ADGRL1: variants seen among roughly 807,000 people sequenced by gnomAD.
ADGRL1 encodes the protein adhesion G protein-coupled receptor L1.
A neutral mutation model predicts 148.9 loss-of-function variants in ADGRL1; 31 were observed. The observed-to-expected ratio is 0.21, with a 90% confidence interval of 0.16 to 0.28. The LOEUF is 0.28. Ranked by LOEUF, ADGRL1 falls within the 10% of genes least tolerant of loss-of-function variation. ADGRL1 has a pLI of 1.00. For synonymous variants in ADGRL1, 937 were observed against 900.3 expected (o/e 1.04, Z -0.73); for missense variants, 1,521 against 2,058.8 (o/e 0.74, Z 5.05).
intron 1 of ADGRL1, among the ~76,000 whole-genome samples, chr19:14,192,323 C>T (rs1307840457): frequency 6.6e-6 from 1 of 152,104 alleles, no homozygotes; most frequent in Non-Finnish European, 1.5e-5. Flanking sequence ...TCACTGCAAC[C>T]TCCACCTCCC....
intron 1 of ADGRL1, among the ~76,000 whole-genome samples, chr19:14,192,226 CTTTAT>C (rs1263982151): frequency 9.0e-6 from 1 of 110,974 alleles, no homozygotes; most frequent in East Asian, 2.5e-4. Context: ...CCTAGAGTTC[CTTTAT>C]TTTATTTTAT....
rs761260215 is a variant in ADGRL1, at chr19:14,151,190, C to T, written c.4093G>A (p.Ala1365Thr). 1.6e-5 allele frequency: 26 copies of T among 1,610,114 alleles called. No homozygotes were observed. The highest frequency in any genetic ancestry group is 2.2e-5 in the East Asian group (1 of 44,856). Residue 1365 changes from alanine to threonine, a missense_variant, in exon 23 of 23, where the codon GCC (alanine) becomes ACC (threonine). This residue lies in a region of ADGRL1 where 390 missense variants were observed against 375.0 expected (regional missense o/e 1.04). Coordinates refer to ENST00000361434, the MANE Select transcript of ADGRL1 (RefSeq NM_014921.5). Reference protein sequence around the residue: ...ESESCTAEDGATSRPLSSPPG... With the variant: ...ESESCTAEDGTTSRPLSSPPG... ...GGGGAGGAGAGGGGCCGGCTGGTGGCGCCGTCCTCGGCCGTGCAGCTCTCC... is the reference window on the plus strand; with the variant it reads ...GGGGAGGAGAGGGGCCGGCTGGTGGTGCCGTCCTCGGCCGTGCAGCTCTCC...
Position 14,157,484 on chromosome 19 carries a change from G to A in ADGRL1, c.2536-24C>T, listed in dbSNP as rs370985504. 9.4e-5 allele frequency: 151 copies of A among 1,610,436 alleles called. No individual in the cohort carries two copies. The highest frequency in any genetic ancestry group is 3.3e-5 in the Admixed American group (2 of 59,990). On this transcript the variant is annotated intron_variant, in intron 13 of 22. Coordinates refer to ENST00000361434, the MANE Select transcript of ADGRL1 (RefSeq NM_014921.5). This position sits in a 1 kb window ranked among gnomAD's most constrained non-coding sequence, Gnocchi z 7.5. ...TACTGGGGACAGGAACAGGGGGCACGCTCAGGGCCTTTGGTTTTGCACGCT... is the reference window on the plus strand; with the variant it reads ...TACTGGGGACAGGAACAGGGGGCACACTCAGGGCCTTTGGTTTTGCACGCT...
Position 14,158,002 on chromosome 19 carries a change from A to G in ADGRL1, c.2415T>C (p.Arg805=). Residue 805 remains arginine (R), a synonymous_variant, in exon 13 of 23, where the codon CGT becomes CGC. Coordinates refer to ENST00000361434, the MANE Select transcript of ADGRL1 (RefSeq NM_014921.5). ...GGGTCGACCAGTAGCCCAGCATGGA[A>G]CGCTCCGAGTAGTTCCAGAAGGAGC... The part of the protein sequence containing the change: ...ANCSFWNYSE[R]SMLGYWSTQG... 1 of 1,614,190 alleles carries G rather than the reference A, an allele frequency of 6.2e-7. No individual in the cohort carries two copies. Among genetic ancestry groups the G allele is most frequent in the Non-Finnish European group, 8.5e-7 (1 of 1,180,016 alleles).
chr19:14,152,960 T>C lies in ADGRL1; in HGVS notation c.3295-48A>G, dbSNP rs775671334. On this transcript the variant is annotated intron_variant, in intron 18 of 22. Coordinates refer to ENST00000361434, the MANE Select transcript of ADGRL1 (RefSeq NM_014921.5). The surrounding 1 kb of genome is among the most constrained non-coding windows in gnomAD (Gnocchi z 6.1). ...CTGGCTGGGACACTGGCCTCCTCTG[T>C]GATCCAGTCTCCCACAGGGCTGGTC... 1 of 1,602,818 alleles carries C rather than the reference T, an allele frequency of 6.2e-7. No homozygotes were observed. The highest frequency in any genetic ancestry group is 8.5e-7 in the Non-Finnish European group (1 of 1,174,974).
intron 1 of ADGRL1, among the ~76,000 whole-genome samples, chr19:14,196,804 C>A (rs970787189): frequency 6.6e-6 from 1 of 152,136 alleles, no homozygotes; most frequent in Non-Finnish European, 1.5e-5. Flanking sequence ...CACTCCTACA[C>A]CATGTCCTGA....
At chr19:14,187,772 T>G (rs892954506) in intron 1 of ADGRL1, among the ~76,000 whole-genome samples, 2 of 151,770 alleles carry the variant, frequency 1.3e-5, no homozygotes, top group Non-Finnish European at 2.9e-5. Flanking sequence ...GAATGGGGAG[T>G]GGCTTCCTTA....
intron 11 of ADGRL1, among the ~76,000 whole-genome samples, chr19:14,158,882 T>C (rs1416384152): frequency 6.6e-6 from 1 of 152,178 alleles, no homozygotes; most frequent in Non-Finnish European, 1.5e-5. Flanking sequence ...CTCTGAGCTG[T>C]GAGGCCCAGG....
intron 4 of ADGRL1, 114 bp from the exon 5 acceptor site, chr19:14,163,520 C>T (rs1462097573): frequency 1.1e-5 from 9 of 791,228 alleles, no homozygotes; most frequent in South Asian, 1.8e-5. Flanking sequence ...GCAAGTTGGT[C>T]ACGCTGCTGG....
At position 14,149,707 on chromosome 19, in the gene ADGRL1, CTT is replaced by C. The variant is rs940873417; in HGVS notation, c.*1164_*1165del. 1.7e-5 allele frequency: 2 copies of C among 118,994 alleles called. No homozygotes were observed. The highest frequency in any genetic ancestry group is 3.2e-5 in the African/African-American group (1 of 30,862). 7.4% of individuals were successfully genotyped at this position (118,994 alleles called of 1,614,324 possible). On this transcript the variant is annotated 3_prime_UTR_variant, in exon 23 of 23. Coordinates refer to ENST00000361434, the MANE Select transcript of ADGRL1 (RefSeq NM_014921.5). ...GAGGGTGCCAGGAAGGAAATGGGTT[CTT>C]TGTTTCGCTGTTGCATCTAGATTTT...
intron 4 of ADGRL1, chr19:14,169,107 A>G (rs1359437048): frequency 2.0e-5 from 3 of 152,214 alleles, no homozygotes; most frequent in Admixed American, 2.0e-4. Flanking sequence ...CTTAAAGGGC[A>G]TTGGTAATAT....
In ADGRL1 at chr19:14,160,059, C is replaced by T. The variant is rs888283007; in HGVS notation, c.1800+53G>A. On this transcript the variant is annotated intron_variant, in intron 8 of 22. Coordinates refer to ENST00000361434, the MANE Select transcript of ADGRL1 (RefSeq NM_014921.5). The surrounding 1 kb of genome is among the most constrained non-coding windows in gnomAD (Gnocchi z 5.9). ...TACCAGGTCAGGTACTTCCCAAGCC[C>T]CTGGGGGCAGGCGCCCTCCCCATAC... The T allele has an allele frequency of 6.6e-7, 1 of 1,523,506 alleles. No homozygotes were observed. The allele number at this position is 1,523,506 out of a possible 1,614,324, so 94.4% of individuals were successfully genotyped here.
chr19:14,154,457 C>G (rs895524648), intron 18 of ADGRL1, among the ~76,000 whole-genome samples: 8 of 152,152 alleles, frequency 5.3e-5, no homozygotes, highest in African/African-American at 1.9e-4. Flanking sequence ...CTACTGTTGT[C>G]CCCTTTGGTT....
In ADGRL1 at chr19:14,156,166, C is replaced by G; in HGVS notation, c.3069G>C (p.Lys1023Asn). 6.2e-7 allele frequency: 1 copy of G among 1,612,848 alleles called. No individual in the cohort carries two copies. Among genetic ancestry groups the G allele is most frequent in the Non-Finnish European group, 8.5e-7 (1 of 1,179,796 alleles). Residue 1023 changes from lysine (K) to asparagine (N), a missense_variant, in exon 17 of 23, where the codon AAG becomes AAC. Coordinates refer to ENST00000361434, the MANE Select transcript of ADGRL1 (RefSeq NM_014921.5). ...TGAGCACAGATGAGCTTCGGATCAT[C>G]TTGTGCAGGGTCACCATGAGGAACA... The part of the protein sequence containing the change: ...NLVFLMVTLH[K>N]MIRSSSVLKP...
intron 1 of ADGRL1, among the ~76,000 whole-genome samples, chr19:14,202,575 C>G (rs910473128): frequency 2.0e-5 from 3 of 152,134 alleles, no homozygotes; most frequent in African/African-American, 7.2e-5. Flanking sequence ...TTGATGGAAA[C>G]CCCATATGTG....
At chr19:14,192,810 C>G (rs1438754111) in intron 1 of ADGRL1, among the ~76,000 whole-genome samples, 1 of 152,178 alleles carries the variant, frequency 6.6e-6, no homozygotes, top group East Asian at 1.9e-4. Context: ...CTCGGCCTCC[C>G]AAAGTGCTGA....
At chr19:14,205,756 C>A (rs1405326349) in intron 1 of ADGRL1, among the ~76,000 whole-genome samples, 2 of 151,412 alleles carry the variant, frequency 1.3e-5, no homozygotes, top group African/African-American at 4.8e-5. Context: ...CCGGGCGCTC[C>A]GTGGGGGCCG....
At chr19:14,184,646 A>ATTTATTTTATTT (rs1555790748) in intron 1 of ADGRL1, among the ~76,000 whole-genome samples, 3 of 97,732 alleles carry the variant, frequency 3.1e-5, no homozygotes, top group African/African-American at 1.2e-4. Flanking sequence ...TTATTTATTT[A>ATTTATTTTATTT]TTTTTTTTTC....
chr19:14,201,865 A>G (rs560974308), intron 1 of ADGRL1, among the ~76,000 whole-genome samples: 22 of 152,306 alleles, frequency 1.4e-4, no homozygotes, highest in Admixed American at 1.4e-3. Context: ...ACATCAGGAA[A>G]TTACAGACTA....
Sources: allele counts gnomAD v4.1 joint callset (sites outside exome capture counted in the v4.1 genomes callset), GRCh38; gene constraint gnomAD v4.1.1; regional missense constraint gnomAD v4.1.1; non-coding constraint Gnocchi (gnomAD v3.1); transcripts MANE v1.5; gene names NCBI Gene and HGNC (gene_info 2026-07-23, HGNC 2026-07-21).